The following PLCL2 variants were observed in gnomAD, a reference collection of about 807,000 sequenced individuals.
PLCL2 encodes the protein phospholipase C like 2, also known as inactive phospholipase C-like protein 2.
Under a neutral mutation model 79.6 loss-of-function variants are expected in PLCL2, and 4 were observed. That is an observed-to-expected ratio of 0.05 (90% confidence interval 0.02 to 0.11). The LOEUF is 0.11. PLCL2 is among the 10% of genes least tolerant of loss of function. The pLI, the probability that PLCL2 is intolerant of heterozygous loss-of-function variation, is 1.00. For missense variants in PLCL2, 895 were observed against 1,291.0 expected, an observed-to-expected ratio of 0.69 and a Z score of 4.70; for synonymous variants, 484 against 457.7, an observed-to-expected ratio of 1.06 and a Z score of -0.73.
intron 1 of PLCL2, among the ~76,000 whole-genome samples, chr3:16,973,328 G>A (rs1234130436): frequency 6.7e-6 from 1 of 149,544 alleles, no homozygotes; most frequent in Non-Finnish European, 1.5e-5. Flanking sequence ...CTTCTGGCTT[G>A]TAGGGTTTCT....
chr3:16,986,403 CTTTT>C (rs775249534), intron 1 of PLCL2, among the ~76,000 whole-genome samples: 12 of 151,926 alleles, frequency 7.9e-5, no homozygotes, highest in Non-Finnish European at 1.8e-4. Context: ...CCTAGAGGTT[CTTTT>C]TTTCTTTCTT....
intron 5 of PLCL2, among the ~76,000 whole-genome samples, chr3:17,071,988 A>C (rs1186546598): frequency 1.3e-5 from 2 of 152,012 alleles, no homozygotes; most frequent in Non-Finnish European, 2.9e-5. Context: ...CACCATGCCC[A>C]GCTAATTTTT....
intron 1 of PLCL2, among the ~76,000 whole-genome samples, chr3:16,962,429 T>C (rs1407119639): frequency 6.6e-6 from 1 of 151,810 alleles, no homozygotes; most frequent in African/African-American, 2.4e-5. Context: ...CTTTCTTTTT[T>C]TTTTTTCCCC....
At chr3:17,036,757 TCA>T in intron 3 of PLCL2, among the ~76,000 whole-genome samples, 1 of 152,222 alleles carries the variant, frequency 6.6e-6, no homozygotes, top group Middle Eastern at 3.2e-3. Context: ...AAACAGAATA[TCA>T]CAGCCTGTGC....
intron 4 of PLCL2, among the ~76,000 whole-genome samples, chr3:17,055,355 C>T (rs963080123): frequency 7.2e-5 from 11 of 152,124 alleles, no homozygotes; most frequent in Non-Finnish European, 1.6e-4. Context: ...CATTTTAATT[C>T]CCTCACTAAG....
intron 1 of PLCL2, among the ~76,000 whole-genome samples, chr3:16,893,276 G>C (rs897176352): frequency 2.0e-5 from 3 of 152,128 alleles, no homozygotes; most frequent in Non-Finnish European, 4.4e-5. Flanking sequence ...TTGATTTATA[G>C]TTCTATGCAT....
intron 1 of PLCL2, among the ~76,000 whole-genome samples, chr3:16,975,650 G>T (rs2063918001): frequency 6.6e-6 from 1 of 152,168 alleles, no homozygotes; most frequent in Admixed American, 6.5e-5. Context: ...CTTCCAAGTG[G>T]TTGGGACGTG....
chr3:17,086,872 C>T (rs763758221), intron 5 of PLCL2, among the ~76,000 whole-genome samples: 8 of 152,144 alleles, frequency 5.3e-5, no homozygotes, highest in Non-Finnish European at 7.3e-5. Context: ...ACAGTCACCT[C>T]GCCAAAGAAG....
chr3:16,996,965 G>T (rs547342086), intron 1 of PLCL2, among the ~76,000 whole-genome samples: 22 of 152,038 alleles, frequency 1.4e-4, no homozygotes, highest in Non-Finnish European at 2.8e-4. Context: ...GAGATGTTTC[G>T]AAAAATTCTT....
intron 1 of PLCL2, among the ~76,000 whole-genome samples, chr3:17,008,522 G>C (rs1369473399): frequency 6.6e-6 from 1 of 151,874 alleles, no homozygotes; most frequent in Non-Finnish European, 1.5e-5. Flanking sequence ...TAAATTCCTG[G>C]GCACCAGCCC....
chr3:16,922,855 CATCCATTA>C (rs1363868060), intron 1 of PLCL2, among the ~76,000 whole-genome samples: 1 of 152,014 alleles, frequency 6.6e-6, no homozygotes, highest in Non-Finnish European at 1.5e-5. Flanking sequence ...TCCATCAAGG[CATCCATTA>C]ATACCTTGGA....
chr3:16,930,322 T>C (rs1697362267), intron 1 of PLCL2, among the ~76,000 whole-genome samples: 1 of 152,198 alleles, frequency 6.6e-6, no homozygotes, highest in African/African-American at 2.4e-5. Flanking sequence ...GCGTTCCAAG[T>C]TCATAAATAC....
Position 17,089,810 on chromosome 3 carries a change from A to T in PLCL2, c.3282A>T (p.Ser1094=), listed in dbSNP as rs748859312. The T allele has an allele frequency of 2.2e-5, 36 of 1,613,952 alleles. No individual in the cohort carries two copies. In the African/African-American group the frequency reaches 4.1e-4, roughly 19 times the overall value. ...AACAAATCCATTTTGCTGCTGTTTCATGTGGACTGAATAAACCAGGCACCG... is the reference window on the plus strand; with the variant it reads ...AACAAATCCATTTTGCTGCTGTTTCTTGTGGACTGAATAAACCAGGCACCG... ...NLKQIHFAAV[S]CGLNKPGTEN... The change falls in exon 6 of 6, where the codon TCA becomes TCT. Residue 1094 remains serine (S), a synonymous_variant. Coordinates refer to ENST00000615277, the MANE Select transcript of PLCL2 (RefSeq NM_001144382.2).
At chr3:17,085,487 G>A (rs1257204140) in intron 5 of PLCL2, among the ~76,000 whole-genome samples, 1 of 150,368 alleles carries the variant, frequency 6.7e-6, no homozygotes, top group Non-Finnish European at 1.5e-5. Flanking sequence ...TGTCGCTCTT[G>A]TTGCCCAGGC....
intron 4 of PLCL2, among the ~76,000 whole-genome samples, chr3:17,060,455 G>A (rs2064939195): frequency 6.6e-6 from 1 of 152,140 alleles, no homozygotes; most frequent in South Asian, 2.1e-4. Context: ...AAGAAAAGGA[G>A]GCTACCAACT....
rs1326276388 is a variant in PLCL2, at chr3:16,885,183, C to G, written c.144C>G (p.Arg48=). Residue 48 remains arginine (R), a synonymous_variant, in exon 1 of 6, where the codon CGC becomes CGG. Coordinates refer to ENST00000615277, the MANE Select transcript of PLCL2 (RefSeq NM_001144382.2). ...GTCGCCTCGGCCACGGGCGGGCGCG[C>G]TATGACAGCGGCGGGGTTTCCAACG... ...GGGRLGHGRA[R]YDSGGVSNGD... The G allele has an allele frequency of 1.7e-6, 1 of 602,616 alleles. No homozygotes were observed. The highest frequency in any genetic ancestry group is 1.9e-5 in the African/African-American group (1 of 52,028). 37.3% of individuals were successfully genotyped at this position (602,616 alleles called of 1,614,324 possible).
intron 1 of PLCL2, among the ~76,000 whole-genome samples, chr3:16,944,947 A>C (rs1260586527): frequency 6.6e-6 from 1 of 151,932 alleles, no homozygotes; most frequent in Admixed American, 6.6e-5. Flanking sequence ...TTTAGTAGAG[A>C]CGGGGTTTCA....
chr3:17,012,031 T>C lies in PLCL2; in HGVS notation c.2685T>C (p.Ser895=), dbSNP rs376645984. The C allele has an allele frequency of 2.2e-5, 35 of 1,614,174 alleles. No homozygotes were observed. Among genetic ancestry groups the C allele is most frequent in the Non-Finnish European group, 2.5e-5 (30 of 1,180,002 alleles). ...GAAAGCCTCATAAAAGGGGCCTTTC[T>C]GTGAGAAAAGGGAAGAAATCCAGGG... The part of the protein sequence containing the change: ...GGGKPHKRGL[S]VRKGKKSREY... The change falls in exon 2 of 6, where the codon TCT becomes TCC. Residue 895 remains serine, a synonymous_variant. Transcript: ENST00000615277.
chr3:17,033,352 A>G (rs1467288137), intron 3 of PLCL2, among the ~76,000 whole-genome samples: 1 of 152,200 alleles, frequency 6.6e-6, no homozygotes, highest in Non-Finnish European at 1.5e-5. Context: ...CGCCAAAACC[A>G]TGCTTTGAAC....
Sources: gnomAD v4.1 joint callset for allele counts (sites outside exome capture counted in the v4.1 genomes callset) on GRCh38, gnomAD v4.1.1 for gene constraint, MANE v1.5 for transcripts, NCBI Gene and HGNC (gene_info 2026-07-23, HGNC 2026-07-21) for gene names.